Variants in STIP1 observed in about 807,000 individuals in gnomAD.
STIP1 encodes the protein stress induced phosphoprotein 1, also known as stress-induced-phosphoprotein 1.
Under a neutral mutation model 77.4 loss-of-function variants are expected in STIP1, and 16 were observed. The ratio of observed to expected loss-of-function variants is 0.21; its 90% confidence interval spans 0.14 to 0.31. The LOEUF (loss-of-function observed/expected upper bound fraction) is 0.31. Among genes scored for constraint, STIP1 ranks in the 10% least tolerant of loss-of-function variants. The probability of loss-of-function intolerance (pLI) is 1.00; values close to 1 mark genes in which losing one functional copy is unlikely to be tolerated. For synonymous variants in STIP1, 258 were observed against 246.6 expected (o/e 1.05, Z -0.44); for missense variants, 524 against 684.8 (o/e 0.77, Z 2.62).
chr11:64,197,713 G>T lies in STIP1; in HGVS notation c.902+118G>T. ...ATAGAATCTGCTGTGTTAAGAAAGGGCTGGCAAGAAGGTCACCAGAGACAA... is the reference window on the plus strand; with the variant it reads ...ATAGAATCTGCTGTGTTAAGAAAGGTCTGGCAAGAAGGTCACCAGAGACAA... On this transcript the variant is annotated intron_variant, in intron 7 of 13. Coordinates refer to ENST00000305218, the MANE Select transcript of STIP1 (RefSeq NM_006819.3). 3.9e-6 allele frequency: 6 copies of T among 1,549,180 alleles called. No homozygotes were observed. The South Asian group carries it at 6.9e-5, about 18-fold the overall frequency.
intron 1 of STIP1, chr11:64,186,485 G>A (rs922489866): frequency 2.3e-6 from 1 of 442,592 alleles, no homozygotes; most frequent in Non-Finnish European, 3.5e-6. Context: ...TCGCCCCCTG[G>A]TTGGGCGAGG....
intron 13 of STIP1, 93 bp from the exon 14 acceptor site, chr11:64,203,961 C>T (rs990776027): frequency 6.8e-7 from 1 of 1,479,794 alleles, no homozygotes; most frequent in South Asian, 1.1e-5. Context: ...CTGCCGGGGC[C>T]TTCTGTAGAG....
intron 12 of STIP1, 67 bp downstream of exon 12, chr11:64,203,295 A>G (rs1240186107): frequency 1.9e-6 from 3 of 1,594,858 alleles, no homozygotes; most frequent in African/African-American, 2.7e-5. Context: ...TTCCATGTTC[A>G]GTCCCTGATT....
intron 8 of STIP1, among the ~76,000 whole-genome samples, 177 bp from the exon 9 acceptor site, chr11:64,199,763 C>T (rs560439581): frequency 1.4e-4 from 22 of 151,866 alleles, no homozygotes; most frequent in Non-Finnish European, 2.6e-4. Context: ...CAGGGTTTCA[C>T]CATGTTAGCC....
At chr11:64,193,363 C>T (rs1946113818) in intron 2 of STIP1, 76 bp downstream of exon 2, 9 of 1,361,370 alleles carry the variant, frequency 6.6e-6, no homozygotes, top group South Asian at 2.4e-5. Context: ...TGAGGTTTAC[C>T]TGTCCTGATA....
chr11:64,203,290 T>C, intron 12 of STIP1, 62 bp downstream of exon 12: 4 of 1,594,734 alleles, frequency 2.5e-6, no homozygotes, highest in Non-Finnish European at 3.4e-6. Flanking sequence ...GGCTTTTCCA[T>C]GTTCAGTCCC....
chr11:64,186,176 C>G lies in STIP1; in HGVS notation c.-86C>G. ...GCGGGAGCCGGGGTCCCGGTAGCTTCTAGTAGGTTCCAGAAGGCGGCGCGT... is the reference window on the plus strand; with the variant it reads ...GCGGGAGCCGGGGTCCCGGTAGCTTGTAGTAGGTTCCAGAAGGCGGCGCGT... On this transcript the variant is annotated 5_prime_UTR_variant, in exon 1 of 14. Coordinates refer to ENST00000305218, the MANE Select transcript of STIP1 (RefSeq NM_006819.3). The G allele has an allele frequency of 1.3e-6, 2 of 1,550,478 alleles. No individual in the cohort carries two copies. The highest frequency in any genetic ancestry group is 1.7e-6 in the Non-Finnish European group (2 of 1,146,888).
intron 6 of STIP1, 29 bp downstream of exon 6, chr11:64,197,426 ATTG>A: frequency 6.2e-7 from 1 of 1,614,054 alleles, no homozygotes; most frequent in Non-Finnish European, 8.5e-7. Context: ...GGGCAAGGGA[ATTG>A]TTGGGTGTCT....
At position 64,190,562 on chromosome 11, in the gene STIP1, G is replaced by A. The variant is rs147036289; in HGVS notation, c.10-2516G>A. ...ACTCCTGACCTCAGTTAATCTACCC[G>A]CCTCAGCTTCCCAAAGTGCTGAGAT... On this transcript the variant is annotated intron_variant, in intron 1 of 13. Coordinates refer to ENST00000305218, the MANE Select transcript of STIP1 (RefSeq NM_006819.3). 3.2e-3 allele frequency among the ~76,000 whole-genome samples: 491 copies of A among 152,238 alleles called. 6 individuals carry two copies. The Middle Eastern group carries it at 0.037, about 12-fold the overall frequency.
chr11:64,186,278 G>A lies in STIP1; in HGVS notation c.9+8G>A. 1.3e-6 allele frequency: 2 copies of A among 1,548,564 alleles called. No individual in the cohort carries two copies. The highest frequency in any genetic ancestry group is 8.7e-7 in the Non-Finnish European group (1 of 1,146,456). Reference sequence around the variant, plus strand: ...CGCTGCGCTATGGAGCAGGTGAAGGGGGAGGGGCGGGCTGAGGCCCCGAGC... The same window carrying A: ...CGCTGCGCTATGGAGCAGGTGAAGGAGGAGGGGCGGGCTGAGGCCCCGAGC... On this transcript the variant is annotated splice_region_variant and intron_variant, in intron 1 of 13. Transcript: ENST00000305218.
At chr11:64,192,363 T>C (rs1946102632) in intron 1 of STIP1, among the ~76,000 whole-genome samples, 1 of 152,214 alleles carries the variant, frequency 6.6e-6, no homozygotes, top group African/African-American at 2.4e-5. Flanking sequence ...TCTTGCACTT[T>C]ATATGTTTGA....
intron 9 of STIP1, 28 bp from the exon 10 acceptor site, chr11:64,200,139 TAA>T: frequency 1.9e-6 from 3 of 1,610,156 alleles, no homozygotes; most frequent in Non-Finnish European, 2.5e-6. Context: ...TTTTGCTTTT[TAA>T]AAGACAGTCT....
intron 4 of STIP1, among the ~76,000 whole-genome samples, chr11:64,195,213 A>G (rs969075478): frequency 2.6e-5 from 4 of 152,134 alleles, no homozygotes; most frequent in Admixed American, 1.3e-4. Context: ...TCCTGGGTTC[A>G]AGCGATTCTC....
intron 1 of STIP1, 32 bp downstream of exon 1, chr11:64,186,302 G>A: frequency 3.5e-6 from 5 of 1,439,218 alleles, no homozygotes; most frequent in Non-Finnish European, 4.6e-6. Flanking sequence ...GAGGCCCCGA[G>A]CCTGCTCGGG....
chr11:64,191,003 C>T (rs1228643546), intron 1 of STIP1, among the ~76,000 whole-genome samples: 3 of 151,818 alleles, frequency 2.0e-5, no homozygotes, highest in African/African-American at 4.8e-5. Flanking sequence ...GCCTGACCAA[C>T]ATGGAGAAAC....
At position 64,186,205 on chromosome 11, in the gene STIP1, G is replaced by A; in HGVS notation, c.-57G>A. 1.3e-6 allele frequency: 2 copies of A among 1,550,922 alleles called. No homozygotes were observed. Among genetic ancestry groups the A allele is most frequent in the African/African-American group, 1.4e-5 (1 of 73,192 alleles). On this transcript the variant is annotated 5_prime_UTR_variant, in exon 1 of 14. Coordinates refer to ENST00000305218, the MANE Select transcript of STIP1 (RefSeq NM_006819.3). Reference sequence around the variant, plus strand: ...TAGGTTCCAGAAGGCGGCGCGTGCGGTTGGGAACGCGGAGCGGACGGATTC... The same window carrying A: ...TAGGTTCCAGAAGGCGGCGCGTGCGATTGGGAACGCGGAGCGGACGGATTC...
chr11:64,195,642 T>C lies in STIP1; in HGVS notation c.504-3T>C, dbSNP rs111504710. On this transcript the variant is annotated splice_polypyrimidine_tract_variant and splice_region_variant and intron_variant, in intron 4 of 13. Coordinates refer to ENST00000305218, the MANE Select transcript of STIP1 (RefSeq NM_006819.3). ...TTTCTTTATTTTTTTAAATCAATAC[T>C]AGGAAACTACAAGATCCCCGGATCA... 1.9e-6 allele frequency: 3 copies of C among 1,596,978 alleles called. No individual in the cohort carries two copies. The highest frequency in any genetic ancestry group is 2.6e-6 in the Non-Finnish European group (3 of 1,174,256).
chr11:64,200,299 G>T lies in STIP1; in HGVS notation c.1245+6G>T. 6.2e-7 allele frequency: 1 copy of T among 1,603,832 alleles called. No individual in the cohort carries two copies. Among genetic ancestry groups the T allele is most frequent in the South Asian group, 1.1e-5 (1 of 90,200 alleles). On this transcript the variant is annotated splice_donor_region_variant and intron_variant, in intron 10 of 13. Transcript: ENST00000305218. The stretch of plus-strand genomic sequence containing the variant: ...AGTTCCAGCTGGCACTCAAGGTGAC[G>T]AGACCTGTGGGGGCGGCCATTACTG...
intron 1 of STIP1, among the ~76,000 whole-genome samples, chr11:64,191,440 T>C (rs530384538): frequency 6.6e-6 from 1 of 151,388 alleles, no homozygotes; most frequent in African/African-American, 2.4e-5. Flanking sequence ...ACTCCATCTC[T>C]ACTAAAAATA....
Sources: gnomAD v4.1 joint callset for allele counts (sites outside exome capture counted in the v4.1 genomes callset) on GRCh38, gnomAD v4.1.1 for gene constraint, MANE v1.5 for transcripts, NCBI Gene and HGNC (gene_info 2026-07-23, HGNC 2026-07-21) for gene names.